Variants in FGF14 observed in about 807,000 individuals in gnomAD.
FGF14 encodes fibroblast growth factor 14, also known as fibroblast growth factor homologous factor 4.
In FGF14, 5 loss-of-function variants were observed where a neutral mutation model predicts 25.5. The ratio of observed to expected loss-of-function variants is 0.20; its 90% CI spans 0.10 to 0.41. The LOEUF (loss-of-function observed/expected upper bound fraction) is 0.41, where lower values mean the gene tolerates loss of function less well. FGF14 is among the 10% of genes least tolerant of loss of function. FGF14 has a pLI of 1.00. For synonymous variants in FGF14, 138 were observed against 118.3 expected (o/e 1.17, Z -1.08); for missense variants, 222 against 320.1 (o/e 0.69, Z 2.34).
At chr13:101,847,525 C>T (rs926116338) in intron 3 of FGF14, among the ~76,000 whole-genome samples, 8 of 152,022 alleles carry the variant, frequency 5.3e-5, no homozygotes, top group African/African-American at 9.7e-5. Context: ...TGAACATGAT[C>T]GTGTGCATGT....
At chr13:101,792,675 C>A (rs2040304873) in intron 3 of FGF14, among the ~76,000 whole-genome samples, 1 of 151,988 alleles carries the variant, frequency 6.6e-6, no homozygotes, top group African/African-American at 2.4e-5. Context: ...TTTTCTTTGC[C>A]CCTCATGCCA....
intron 1 of FGF14, among the ~76,000 whole-genome samples, chr13:102,379,086 T>C (rs1289869867): frequency 1.3e-5 from 2 of 152,136 alleles, no homozygotes; most frequent in African/African-American, 4.8e-5. Context: ...TAAAGGGAAA[T>C]ACCCAGGCAA....
chr13:101,985,391 C>T (rs1010631060), intron 1 of FGF14, among the ~76,000 whole-genome samples: 34 of 151,952 alleles, frequency 2.2e-4, no homozygotes, highest in Admixed American at 2.6e-4. Context: ...TGTTAAATAA[C>T]TACTAAAAAT....
intron 1 of FGF14, among the ~76,000 whole-genome samples, chr13:102,130,210 G>A (rs1438719003): frequency 5.3e-5 from 8 of 152,180 alleles, no homozygotes; most frequent in African/African-American, 1.9e-4. Flanking sequence ...ATATGCCCAT[G>A]TCTGACAAAA....
chr13:101,851,578 T>C (rs2043852607), intron 3 of FGF14, among the ~76,000 whole-genome samples: 1 of 152,094 alleles, frequency 6.6e-6, no homozygotes, highest in South Asian at 2.1e-4. Flanking sequence ...GCAATGGATT[T>C]AAGGGAGGTT....
intron 1 of FGF14, among the ~76,000 whole-genome samples, chr13:102,273,767 G>A (rs981208905): frequency 2.6e-5 from 4 of 151,822 alleles, no homozygotes; most frequent in African/African-American, 9.7e-5. Flanking sequence ...AACATAGTGA[G>A]ACTCCAGCTA....
intron 1 of FGF14, among the ~76,000 whole-genome samples, chr13:102,115,212 G>T (rs983443893): frequency 3.3e-5 from 5 of 152,130 alleles, no homozygotes; most frequent in Non-Finnish European, 4.4e-5. Flanking sequence ...TGGGGGAACA[G>T]GTTTTGTCAC....
chr13:102,091,704 A>C (rs1489361010), intron 1 of FGF14, among the ~76,000 whole-genome samples: 5 of 151,876 alleles, frequency 3.3e-5, no homozygotes, highest in African/African-American at 1.2e-4. Flanking sequence ...CTTCCCTCGA[A>C]GTTTTTTGTT....
chr13:102,034,156 T>G (rs1394241682), intron 1 of FGF14, among the ~76,000 whole-genome samples: 1 of 152,172 alleles, frequency 6.6e-6, no homozygotes, highest in East Asian at 1.9e-4. Flanking sequence ...ATATAGAGGC[T>G]GCAACTCAAT....
chr13:101,794,421 T>TA (rs749633279), intron 3 of FGF14, among the ~76,000 whole-genome samples: 3 of 152,092 alleles, frequency 2.0e-5, no homozygotes, highest in Non-Finnish European at 4.4e-5. Flanking sequence ...CTGAGATAAA[T>TA]ACCACATGGG....
intron 1 of FGF14, among the ~76,000 whole-genome samples, chr13:102,219,343 G>T (rs1413032025): frequency 6.6e-6 from 1 of 152,058 alleles, no homozygotes; most frequent in Non-Finnish European, 1.5e-5. Context: ...TCCTGGGGCT[G>T]CTACCTCCAT....
chr13:101,906,187 C>G (rs2032220432), intron 1 of FGF14, among the ~76,000 whole-genome samples: 2 of 152,182 alleles, frequency 1.3e-5, no homozygotes, highest in African/African-American at 4.8e-5. Context: ...TTCTCTACCC[C>G]AAGTTTGGCC....
chr13:102,189,292 G>T (rs1175550911), intron 1 of FGF14, among the ~76,000 whole-genome samples: 1 of 152,168 alleles, frequency 6.6e-6, no homozygotes, highest in Admixed American at 6.5e-5. Flanking sequence ...AGATAGTAAA[G>T]AAATCATTGA....
chr13:101,964,252 AG>A (rs2037047200), intron 1 of FGF14, among the ~76,000 whole-genome samples: 1 of 147,872 alleles, frequency 6.8e-6, no homozygotes, highest in Non-Finnish European at 1.5e-5. Context: ...TTAGTTGTAA[AG>A]ATTTTTTTTT....
chr13:101,935,534 G>T (rs2035043580), intron 1 of FGF14, among the ~76,000 whole-genome samples: 1 of 152,152 alleles, frequency 6.6e-6, no homozygotes, highest in Admixed American at 6.6e-5. Flanking sequence ...GTTCACATGA[G>T]ATCTGATGGT....
At chr13:101,977,654 A>G (rs550503617) in intron 1 of FGF14, among the ~76,000 whole-genome samples, 7 of 152,206 alleles carry the variant, frequency 4.6e-5, no homozygotes, top group Non-Finnish European at 1.0e-4. Flanking sequence ...CCTTGGCAGC[A>G]ATCTTGCAAA....
intron 1 of FGF14, among the ~76,000 whole-genome samples, chr13:101,972,475 C>T (rs9557767): frequency 0.34 from 51,993 of 151,846 alleles, 9,319 homozygotes; most frequent in East Asian, 0.71. Flanking sequence ...CACATTGTTA[C>T]TGACTCATCT....
At chr13:102,104,722 G>A (rs1160912981) in intron 1 of FGF14, among the ~76,000 whole-genome samples, 2 of 152,104 alleles carry the variant, frequency 1.3e-5, no homozygotes, top group Admixed American at 1.3e-4. Context: ...ATAGGTAAAG[G>A]CTGCAGTGAG....
At chr13:102,209,442 T>A (rs2050072982) in intron 1 of FGF14, among the ~76,000 whole-genome samples, 1 of 152,172 alleles carries the variant, frequency 6.6e-6, no homozygotes, top group Non-Finnish European at 1.5e-5. Flanking sequence ...ATACAATAAA[T>A]TAATGTACTT....
Sources: allele counts gnomAD v4.1 joint callset (sites outside exome capture counted in the v4.1 genomes callset), GRCh38; gene constraint gnomAD v4.1.1; transcripts MANE v1.5; gene names NCBI Gene and HGNC (gene_info 2026-07-23, HGNC 2026-07-21).